SBF2: variants seen among roughly 807,000 people sequenced by gnomAD.
SBF2 encodes the protein SET binding factor 2.
A neutral mutation model predicts 225.2 loss-of-function variants in SBF2; 112 were observed. The observed-to-expected ratio is 0.50, with a 90% CI of 0.43 to 0.58. SBF2 has a LOEUF of 0.58. Ranked by LOEUF, SBF2 falls within the 20% of genes least tolerant of loss-of-function variation. SBF2 has a pLI of 0.00. For synonymous variants in SBF2, 763 were observed against 773.3 expected, an observed-to-expected ratio of 0.99 and a Z score of 0.22; for missense variants, 1,996 against 2,206.2, an observed-to-expected ratio of 0.90 and a Z score of 1.91.
chr11:10,052,205 C>T (rs146955312), intron 2 of SBF2, among the ~76,000 whole-genome samples: 23 of 151,834 alleles, frequency 1.5e-4, no homozygotes, highest in African/African-American at 4.6e-4. Flanking sequence ...TGTTTAGAAT[C>T]GACTGTCATA....
At chr11:9,865,727 G>A (rs1005108170) in intron 17 of SBF2, among the ~76,000 whole-genome samples, 15 of 147,072 alleles carry the variant, frequency 1.0e-4, no homozygotes, top group African/African-American at 3.6e-4. Context: ...GGCGGGAGGC[G>A]TTGGGGGGCG....
chr11:10,302,010 C>G (rs955973852), intron 1 of SBF2, among the ~76,000 whole-genome samples: 5 of 151,968 alleles, frequency 3.3e-5, no homozygotes, highest in African/African-American at 1.2e-4. Context: ...TTTCTCTTTT[C>G]TTGCCAGAAA....
At chr11:10,055,167 G>A (rs1950207463) in intron 2 of SBF2, among the ~76,000 whole-genome samples, 1 of 152,054 alleles carries the variant, frequency 6.6e-6, no homozygotes, top group Non-Finnish European at 1.5e-5. Context: ...CTCCCCAAGT[G>A]CTGAGATTAC....
intron 16 of SBF2, among the ~76,000 whole-genome samples, chr11:9,913,362 A>C (rs928816707): frequency 2.6e-5 from 4 of 152,226 alleles, no homozygotes; most frequent in African/African-American, 9.6e-5. Context: ...TTATAATCAC[A>C]AAGAGATAGC....
intron 16 of SBF2, among the ~76,000 whole-genome samples, chr11:9,955,746 A>C (rs184290073): frequency 8.5e-5 from 13 of 152,224 alleles, no homozygotes; most frequent in Admixed American, 2.6e-4. Context: ...GAATGATACA[A>C]TGAACACCCA....
chr11:9,892,622 C>T (rs906492686), intron 17 of SBF2, among the ~76,000 whole-genome samples: 5 of 150,720 alleles, frequency 3.3e-5, no homozygotes, highest in Admixed American at 3.3e-4. Context: ...TACAATGGTG[C>T]GCTCTCGGTT....
intron 2 of SBF2, among the ~76,000 whole-genome samples, chr11:10,108,359 G>C (rs1952651018): frequency 6.6e-6 from 1 of 152,064 alleles, no homozygotes; most frequent in African/African-American, 2.4e-5. Flanking sequence ...AATACTGGTG[G>C]AGTGAGTCAA....
At chr11:9,807,856 T>C in intron 32 of SBF2, 144 bp downstream of exon 32, 1 of 787,152 alleles carries the variant, frequency 1.3e-6, no homozygotes, top group Non-Finnish European at 2.1e-6. Context: ...AGGAGTCTAC[T>C]GCTAAGATTT....
At chr11:9,800,464 T>A (rs1353534238) in intron 32 of SBF2, among the ~76,000 whole-genome samples, 1 of 151,688 alleles carries the variant, frequency 6.6e-6, no homozygotes, top group African/African-American at 2.4e-5. Flanking sequence ...TGGAGTGCAG[T>A]GGCGCAGTCT....
At chr11:10,112,046 G>C (rs187865583) in intron 2 of SBF2, among the ~76,000 whole-genome samples, 1 of 152,316 alleles carries the variant, frequency 6.6e-6, no homozygotes, top group East Asian at 1.9e-4. Flanking sequence ...GAAAGATGTA[G>C]TCTCTAATTT....
At chr11:10,267,787 G>A (rs1443358433) in intron 1 of SBF2, among the ~76,000 whole-genome samples, 1 of 152,232 alleles carries the variant, frequency 6.6e-6, no homozygotes, top group African/African-American at 2.4e-5. Flanking sequence ...GTGAAAGGGA[G>A]TTTAAGGTGG....
intron 1 of SBF2, among the ~76,000 whole-genome samples, chr11:10,220,941 CAGG>C (rs2135406091): frequency 6.6e-6 from 1 of 152,266 alleles, no homozygotes; most frequent in Admixed American, 6.5e-5. Flanking sequence ...AGATAAAACA[CAGG>C]AATCACCTCT....
chr11:10,136,256 C>G (rs1316007516), intron 2 of SBF2, among the ~76,000 whole-genome samples: 3 of 152,154 alleles, frequency 2.0e-5, no homozygotes, highest in African/African-American at 7.2e-5. Flanking sequence ...ATGAGAACTA[C>G]AATTCAAGGT....
At chr11:10,130,694 C>A (rs1954000227) in intron 2 of SBF2, among the ~76,000 whole-genome samples, 1 of 152,132 alleles carries the variant, frequency 6.6e-6, no homozygotes, top group South Asian at 2.1e-4. Context: ...TTTCACCCAA[C>A]CCCGCCCCCA....
At position 10,130,145 on chromosome 11, in the gene SBF2, G is replaced by A. The variant is rs546386389; in HGVS notation, c.141+63757C>T. Among the ~76,000 whole-genome samples, 483 of 152,174 alleles carry A rather than the reference G, an allele frequency of 3.2e-3. 1 individual carries two copies. The highest frequency in any genetic ancestry group is 6.0e-3 in the Admixed American group (91 of 15,278). On this transcript the variant is annotated intron_variant, in intron 2 of 39. Transcript: ENST00000256190. ...TGGGAGGCCGAGGTGGGCAGATCAC[G>A]AGGTCAGGAGATTGAAACCATCCTG...
rs1464688140 is a variant in SBF2, at chr11:10,196,864, A to ATTTT, written c.56-2878_56-2877insAAAA. Among the ~76,000 whole-genome samples, 100 of 61,932 alleles carry ATTTT rather than the reference A, an allele frequency of 1.6e-3. 3 individuals carry two copies. The highest frequency in any genetic ancestry group is 0.012 in the East Asian group (30 of 2,482). The allele number at this position is 61,932 out of a possible 152,430, so 40.6% of individuals were successfully genotyped here. ...TATATATATATATATATATATATAT[A>ATTTT]TATTTTTTTTTTCCTACAAAATGAA... On this transcript the variant is annotated intron_variant, in intron 1 of 39. Coordinates refer to ENST00000256190, the MANE Select transcript of SBF2 (RefSeq NM_030962.4).
intron 2 of SBF2, among the ~76,000 whole-genome samples, chr11:10,104,194 C>T (rs1952450612): frequency 1.3e-5 from 2 of 151,984 alleles, no homozygotes; most frequent in Non-Finnish European, 2.9e-5. Context: ...AGAGAAGATA[C>T]TTTGTATGGT....
intron 20 of SBF2, among the ~76,000 whole-genome samples, chr11:9,853,185 G>C (rs965113490): frequency 5.9e-5 from 9 of 152,156 alleles, no homozygotes; most frequent in Admixed American, 4.6e-4. Context: ...CCACTTATGT[G>C]AAATATCTAG....
intron 2 of SBF2, among the ~76,000 whole-genome samples, chr11:10,096,746 C>CT (rs1565224389): frequency 6.6e-6 from 1 of 152,114 alleles, no homozygotes. Context: ...TAATAATGCA[C>CT]TTTTTTATCA....
Sources: gnomAD v4.1 joint callset for allele counts (sites outside exome capture counted in the v4.1 genomes callset) on GRCh38, gnomAD v4.1.1 for gene constraint, MANE v1.5 for transcripts, NCBI Gene and HGNC (gene_info 2026-07-23, HGNC 2026-07-21) for gene names.